TMPRSS15: variants seen among roughly 807,000 people sequenced by gnomAD.
The protein encoded by TMPRSS15 is transmembrane serine protease 15.
In TMPRSS15, 128 loss-of-function variants were observed where a neutral mutation model predicts 125.3. The ratio of observed to expected loss-of-function variants is 1.02; its 90% CI spans 0.89 to 1.18. TMPRSS15 has a LOEUF of 1.18. Ranked by LOEUF, TMPRSS15 falls within the 50% of genes most tolerant of loss-of-function variation. The pLI is 0.00. For synonymous variants in TMPRSS15, 446 were observed against 423.2 expected, an observed-to-expected ratio of 1.05 and a Z score of -0.66; for missense variants, 1,283 against 1,212.7, an observed-to-expected ratio of 1.06 and a Z score of -0.86.
At chr21:18,472,141 A>T (rs1483693693) in intron 1 of TMPRSS15, among the ~76,000 whole-genome samples, 2 of 152,150 alleles carry the variant, frequency 1.3e-5, no homozygotes, top group Non-Finnish European at 2.9e-5. Context: ...TTATATAAAC[A>T]TTAAGAAATA....
In TMPRSS15 at chr21:18,332,076, T is replaced by C. The variant is rs2075350905; in HGVS notation, c.1654+8A>G. ...TGTTTCTGATGACCTGGAAAAGAAA[T>C]GACTCACAGAAAGCCAGATTAGGGT... On this transcript the variant is annotated splice_region_variant and intron_variant, in intron 14 of 24. Transcript: ENST00000284885. 58 of 1,610,778 alleles carry C rather than the reference T, an allele frequency of 3.6e-5. No individual in the cohort carries two copies. The highest frequency in any genetic ancestry group is 4.9e-5 in the Non-Finnish European group (58 of 1,177,116).
At chr21:18,373,005 T>G (rs1477048733) in intron 5 of TMPRSS15, among the ~76,000 whole-genome samples, 1 of 152,208 alleles carries the variant, frequency 6.6e-6, no homozygotes, top group Non-Finnish European at 1.5e-5. Flanking sequence ...TAAAAAAAAT[T>G]TTTAGGCCAG....
At chr21:18,468,378 A>T (rs555681402) in intron 1 of TMPRSS15, among the ~76,000 whole-genome samples, 42 of 152,254 alleles carry the variant, frequency 2.8e-4, no homozygotes, top group African/African-American at 7.9e-4. Flanking sequence ...TATAATATTG[A>T]TATACAATTG....
intron 1 of TMPRSS15, among the ~76,000 whole-genome samples, chr21:18,451,632 T>A (rs1978341109): frequency 1.3e-5 from 2 of 152,208 alleles, no homozygotes; most frequent in South Asian, 2.1e-4. Context: ...TCTCTACAAT[T>A]TTCTGCAATT....
At chr21:18,397,684 T>A (rs2076052663) in intron 3 of TMPRSS15, among the ~76,000 whole-genome samples, 195 bp downstream of exon 3, 1 of 152,150 alleles carries the variant, frequency 6.6e-6, no homozygotes, top group Non-Finnish European at 1.5e-5. Context: ...CATATTAACA[T>A]AAGATCAATT....
chr21:18,413,322 TCC>T lies in TMPRSS15; in HGVS notation c.11-14995_11-14994del, dbSNP rs1259190893. On this transcript the variant is annotated intron_variant, in intron 1 of 7. Transcript: ENST00000422787. ...CTTTCTTTTCTTTCTTTTCCTTCCT[TCC>T]TTCCTTCCTTCCTTCCTTCCTTCCT... 1.7e-3 allele frequency among the ~76,000 whole-genome samples: 216 copies of T among 127,696 alleles called. 6 individuals carry two copies. Among genetic ancestry groups the T allele is most frequent in the East Asian group, 0.011 (51 of 4,620 alleles). The allele number at this position is 127,696 out of a possible 152,430, so 83.8% of individuals were successfully genotyped here. A position where few individuals can be genotyped will look rare whatever the true frequency, so the allele number is the denominator to read the frequency against.
chr21:18,457,633 A>G (rs1265336594), intron 1 of TMPRSS15, among the ~76,000 whole-genome samples: 1 of 152,100 alleles, frequency 6.6e-6, no homozygotes, highest in Non-Finnish European at 1.5e-5. Flanking sequence ...GTAGCAAAAA[A>G]TTTTGTTTCT....
chr21:18,426,975 C>G (rs1335554660), intron 1 of TMPRSS15, among the ~76,000 whole-genome samples: 1 of 152,188 alleles, frequency 6.6e-6, no homozygotes, highest in Non-Finnish European at 1.5e-5. Context: ...CATTTCTCCC[C>G]TCCGCCATGC....
intron 10 of TMPRSS15, among the ~76,000 whole-genome samples, chr21:18,351,238 A>T (rs1341200835): frequency 2.0e-5 from 3 of 152,160 alleles, no homozygotes; most frequent in African/African-American, 7.2e-5. Flanking sequence ...AATTTTTGTT[A>T]ACTTTAGAAA....
At chr21:18,366,031 T>G (rs1228938964) in intron 6 of TMPRSS15, among the ~76,000 whole-genome samples, 2 of 152,080 alleles carry the variant, frequency 1.3e-5, no homozygotes, top group African/African-American at 4.8e-5. Context: ...CACTGCGCCA[T>G]GCCCAAAAGC....
At chr21:18,386,795 T>C (rs944046967) in intron 3 of TMPRSS15, among the ~76,000 whole-genome samples, 1 of 152,328 alleles carries the variant, frequency 6.6e-6, no homozygotes. Flanking sequence ...ATCTGTTTTA[T>C]TTCTATGTAA....
At chr21:18,360,346 C>T (rs572623360) in intron 7 of TMPRSS15, among the ~76,000 whole-genome samples, 7 of 152,210 alleles carry the variant, frequency 4.6e-5, no homozygotes, top group African/African-American at 9.6e-5. Flanking sequence ...TATGGACACT[C>T]ACGTTCTTTT....
chr21:18,296,160 GA>G (rs1242794392), intron 19 of TMPRSS15, among the ~76,000 whole-genome samples: 2 of 151,728 alleles, frequency 1.3e-5, no homozygotes, highest in East Asian at 1.9e-4. Context: ...CTCAAAAAAA[GA>G]AAAAAAATAA....
At chr21:18,324,887 A>G (rs1282976769) in intron 16 of TMPRSS15, among the ~76,000 whole-genome samples, 2 of 152,184 alleles carry the variant, frequency 1.3e-5, no homozygotes, top group Admixed American at 1.3e-4. Context: ...GGTACACCAC[A>G]AACAGAAGGA....
intron 4 of TMPRSS15, among the ~76,000 whole-genome samples, chr21:18,380,812 C>T (rs1038510575): frequency 2.0e-5 from 3 of 152,030 alleles, no homozygotes; most frequent in Admixed American, 6.6e-5. Flanking sequence ...AAAAAGTTTG[C>T]TTTATTTTAT....
intron 1 of TMPRSS15, among the ~76,000 whole-genome samples, chr21:18,482,782 G>C (rs1979008326): frequency 6.6e-6 from 1 of 151,458 alleles, no homozygotes; most frequent in Admixed American, 6.6e-5. Flanking sequence ...ATTAGTCTAG[G>C]AAATCTCAAT....
At chr21:18,376,523 A>G (rs537185740) in intron 5 of TMPRSS15, among the ~76,000 whole-genome samples, 1 of 152,244 alleles carries the variant, frequency 6.6e-6, no homozygotes, top group South Asian at 2.1e-4. Flanking sequence ...CTTTTCCTCC[A>G]ATTCTCAAAC....
At position 18,435,373 on chromosome 21, in the gene TMPRSS15, C is replaced by T. The variant is rs568441589; in HGVS notation, c.11-37044G>A. ...TGAATTTTGTCAAAGGCCTTTTCTG[C>T]ATCTATGGAGATAATCATGTGGCTT... On this transcript the variant is annotated intron_variant, in intron 1 of 7. Transcript: ENST00000422787. Among the ~76,000 whole-genome samples, 8 of 152,286 alleles carry T rather than the reference C, an allele frequency of 5.3e-5. No homozygotes were observed. In the South Asian group the frequency reaches 1.7e-3, roughly 32 times the overall value.
chr21:18,424,654 G>A (rs1480846154), intron 1 of TMPRSS15, among the ~76,000 whole-genome samples: 4 of 152,006 alleles, frequency 2.6e-5, no homozygotes, highest in Admixed American at 6.6e-5. Context: ...GTAAAGAACC[G>A]ACAAAAGGAG....
Sources: allele counts gnomAD v4.1 joint callset (sites outside exome capture counted in the v4.1 genomes callset), GRCh38; gene constraint gnomAD v4.1.1; transcripts MANE v1.5; gene names NCBI Gene and HGNC (gene_info 2026-07-23, HGNC 2026-07-21).